The following RASGEF1A variants were observed in gnomAD, a reference collection of about 807,000 sequenced individuals.
RASGEF1A encodes the protein RasGEF domain family member 1A.
In RASGEF1A, 18 loss-of-function variants were observed where a neutral mutation model predicts 56.4. That is an observed-to-expected ratio of 0.32 (90% confidence interval 0.22 to 0.47). The LOEUF is 0.47. Ranked by LOEUF, RASGEF1A falls within the 20% of genes least tolerant of loss-of-function variation. The probability of loss-of-function intolerance (pLI) is 1.00; values close to 1 mark genes in which losing one functional copy is unlikely to be tolerated. For synonymous variants in RASGEF1A, 245 were observed against 242.6 expected (o/e 1.01, Z -0.09); for missense variants, 422 against 627.1 (o/e 0.67, Z 3.49).
intron 1 of RASGEF1A, among the ~76,000 whole-genome samples, chr10:43,261,924 T>C (rs1316686877): frequency 6.6e-6 from 1 of 152,232 alleles, no homozygotes; most frequent in Admixed American, 6.5e-5. Context: ...AGTCTGCGTC[T>C]GTACAGGGAC....
At position 43,226,004 on chromosome 10, in the gene RASGEF1A, C is replaced by T. The variant is rs543379424; in HGVS notation, c.-6-19882G>A. ...AGGGGCTGGGTCCCAGCCCGGAAGGCGGGTGTGGGCGGTGACAGGGGTGGG... is the reference window on the plus strand; with the variant it reads ...AGGGGCTGGGTCCCAGCCCGGAAGGTGGGTGTGGGCGGTGACAGGGGTGGG... On this transcript the variant is annotated intron_variant, in intron 1 of 12. Transcript: ENST00000395810. Among the ~76,000 whole-genome samples the T allele has an allele frequency of 6.1e-4, 79 of 129,602 alleles. 1 individual carries two copies. In the South Asian group the frequency reaches 0.014, roughly 23 times the overall value. 85.0% of individuals were successfully genotyped at this position (129,602 alleles called of 152,430 possible). A position where few individuals can be genotyped will look rare whatever the true frequency, so the allele number is the denominator to read the frequency against.
intron 1 of RASGEF1A, among the ~76,000 whole-genome samples, chr10:43,237,393 A>C (rs1840443365): frequency 6.6e-6 from 1 of 150,786 alleles, no homozygotes; most frequent in African/African-American, 2.5e-5. Context: ...CAGGCCCCGG[A>C]GCTGATCCCT....
At chr10:43,252,379 C>A (rs1321432871) in intron 1 of RASGEF1A, among the ~76,000 whole-genome samples, 1 of 152,116 alleles carries the variant, frequency 6.6e-6, no homozygotes, top group African/African-American at 2.4e-5. Context: ...GGCCAGGAGT[C>A]AAGGGCCTGG....
intron 3 of RASGEF1A, chr10:43,202,799 C>T (rs1839924098): frequency 9.0e-6 from 4 of 446,616 alleles, no homozygotes; most frequent in African/African-American, 2.0e-5. Flanking sequence ...ACAGCTCCAG[C>T]CCAGACCTCA....
At chr10:43,230,438 C>T (rs375700570) in intron 1 of RASGEF1A, among the ~76,000 whole-genome samples, 2 of 152,290 alleles carry the variant, frequency 1.3e-5, no homozygotes, top group East Asian at 3.9e-4. Context: ...TACCCCTCTG[C>T]GCATTCCTGT....
At chr10:43,224,297 T>C (rs1205274975) in intron 1 of RASGEF1A, among the ~76,000 whole-genome samples, 1 of 152,176 alleles carries the variant, frequency 6.6e-6, no homozygotes, top group East Asian at 1.9e-4. Flanking sequence ...GACAAATATG[T>C]CTCCTAGTAG....
chr10:43,201,084 G>A (rs905290721), intron 4 of RASGEF1A, among the ~76,000 whole-genome samples, 196 bp from the exon 5 acceptor site: 1 of 152,226 alleles, frequency 6.6e-6, no homozygotes, highest in Non-Finnish European at 1.5e-5. Context: ...GCTGAGGAGG[G>A]GTCTCAGTGG....
chr10:43,228,047 G>C (rs976165042), intron 1 of RASGEF1A, among the ~76,000 whole-genome samples: 1 of 152,010 alleles, frequency 6.6e-6, no homozygotes, highest in Non-Finnish European at 1.5e-5. Context: ...AGCCCCACGG[G>C]GAGCACATCC....
chr10:43,258,699 G>A (rs1444691695), intron 1 of RASGEF1A, among the ~76,000 whole-genome samples: 1 of 152,228 alleles, frequency 6.6e-6, no homozygotes, highest in Non-Finnish European at 1.5e-5. Context: ...GCCCCTAGGA[G>A]CAGGACTGCC....
intron 1 of RASGEF1A, among the ~76,000 whole-genome samples, chr10:43,213,439 G>T (rs1259323685): frequency 6.6e-6 from 1 of 152,162 alleles, no homozygotes; most frequent in Admixed American, 6.5e-5. Context: ...GAGGGTCCAG[G>T]GTGAGAAGAG....
chr10:43,220,543 G>C (rs1840193920), intron 1 of RASGEF1A, among the ~76,000 whole-genome samples: 1 of 152,072 alleles, frequency 6.6e-6, no homozygotes, highest in African/African-American at 2.4e-5. Context: ...CAACACGATG[G>C]GAGGCCAAGG....
At chr10:43,221,144 T>C (rs1248513539) in intron 1 of RASGEF1A, among the ~76,000 whole-genome samples, 1 of 152,048 alleles carries the variant, frequency 6.6e-6, no homozygotes, top group Non-Finnish European at 1.5e-5. Context: ...GTCCCTCTGC[T>C]CTGAAGGAAC....
intron 1 of RASGEF1A, chr10:43,206,591 A>T: frequency 1.0e-6 from 1 of 996,856 alleles, no homozygotes; most frequent in Non-Finnish European, 1.2e-6. Flanking sequence ...AGCTGGGAGG[A>T]CAGTCTGAGG....
In RASGEF1A at chr10:43,205,379, G is replaced by A. The variant is rs1020709054; in HGVS notation, c.198+540C>T. 2.6e-5 allele frequency among the ~76,000 whole-genome samples: 4 copies of A among 152,240 alleles called. No individual in the cohort carries two copies. In the South Asian group the frequency reaches 6.2e-4, roughly 24 times the overall value. On this transcript the variant is annotated intron_variant, in intron 2 of 12. Coordinates refer to ENST00000395810, the MANE Select transcript of RASGEF1A (RefSeq NM_145313.4). ...CATGCCACCTTGAGGTGAAAAGGGA[G>A]GATTAGGGTTGTTGCCTAAGAACAG...
At chr10:43,198,511 G>A (rs1486295813) in intron 9 of RASGEF1A, among the ~76,000 whole-genome samples, 3 of 152,190 alleles carry the variant, frequency 2.0e-5, no homozygotes, top group Non-Finnish European at 2.9e-5. Flanking sequence ...TCCCAGACCT[G>A]ACCAGCTCCA....
In RASGEF1A at chr10:43,206,018, G is replaced by A. The variant is rs749518074; in HGVS notation, c.99C>T (p.Gly33=). ...CTTGGAAGATGAGGTCCCCGGAGCC[G>A]CCACCGGCCCCGCCTCCACGCTCCC... The part of the protein sequence containing the change: ...GMGERGGGAG[G]GSGDLIFQDG... The change falls in exon 2 of 13, where the codon GGC becomes GGT. Residue 33 remains glycine, a synonymous_variant. Transcript: ENST00000395810. 1.2e-4 allele frequency: 186 copies of A among 1,608,222 alleles called. No homozygotes were observed. Among genetic ancestry groups the A allele is most frequent in the Middle Eastern group, 1.7e-4 (1 of 6,060 alleles).
intron 1 of RASGEF1A, among the ~76,000 whole-genome samples, chr10:43,263,623 G>A (rs1404712932): frequency 6.6e-6 from 1 of 152,096 alleles, no homozygotes; most frequent in African/African-American, 2.4e-5. Flanking sequence ...CAAGAGACAA[G>A]CAGGTCTCGG....
chr10:43,254,152 C>T (rs1840658726), intron 1 of RASGEF1A, among the ~76,000 whole-genome samples: 1 of 152,190 alleles, frequency 6.6e-6, no homozygotes, highest in South Asian at 2.1e-4. Flanking sequence ...AAGTGGGCTG[C>T]AGGAAAATAT....
At chr10:43,249,066 G>A (rs1249461360) in intron 1 of RASGEF1A, among the ~76,000 whole-genome samples, 1 of 152,142 alleles carries the variant, frequency 6.6e-6, no homozygotes, top group Non-Finnish European at 1.5e-5. Context: ...ACGTAGGGAA[G>A]AACTGACCCC....
Sources: allele counts gnomAD v4.1 joint callset (sites outside exome capture counted in the v4.1 genomes callset), GRCh38; gene constraint gnomAD v4.1.1; transcripts MANE v1.5; gene names NCBI Gene and HGNC (gene_info 2026-07-23, HGNC 2026-07-21).